The following THSD4 variants were observed in gnomAD, a reference collection of about 807,000 sequenced individuals.
The protein encoded by THSD4 is thrombospondin type-1 domain-containing protein 4.
A neutral mutation model predicts 119.0 loss-of-function variants in THSD4; 69 were observed. The observed-to-expected ratio is 0.58, with a 90% confidence interval of 0.48 to 0.71. The LOEUF is 0.71. THSD4 is among the 30% of genes least tolerant of loss of function. The pLI is 0.00. For synonymous variants in THSD4, 524 were observed against 540.4 expected, an observed-to-expected ratio of 0.97 and a Z score of 0.42; for missense variants, 1,393 against 1,391.1, an observed-to-expected ratio of 1.00 and a Z score of -0.02.
chr15:71,346,875 T>C (rs1189235312), intron 6 of THSD4, among the ~76,000 whole-genome samples: 7 of 135,100 alleles, frequency 5.2e-5, no homozygotes, highest in African/African-American at 1.1e-4. Context: ...TTTCTTTTTT[T>C]TTTTTTTTTT....
intron 7 of THSD4, among the ~76,000 whole-genome samples, chr15:71,415,036 A>G (rs1837763): frequency 0.25 from 37,770 of 152,174 alleles, 5,163 homozygotes; most frequent in East Asian, 0.55. Context: ...CCCAGAATTC[A>G]AATTGATTTC....
chr15:71,370,900 T>A (rs970073603), intron 6 of THSD4, among the ~76,000 whole-genome samples: 17 of 152,174 alleles, frequency 1.1e-4, no homozygotes, highest in African/African-American at 3.4e-4. Context: ...CCCATTATTA[T>A]TGTGTGGGAG....
chr15:71,150,997 C>G (rs1211847484), intron 2 of THSD4, among the ~76,000 whole-genome samples: 1 of 152,054 alleles, frequency 6.6e-6, no homozygotes, highest in Admixed American at 6.6e-5. Flanking sequence ...AGCTTACATT[C>G]CATTGGATAG....
At chr15:71,297,613 C>T (rs1051402738) in intron 6 of THSD4, among the ~76,000 whole-genome samples, 3 of 152,222 alleles carry the variant, frequency 2.0e-5, no homozygotes, top group East Asian at 3.9e-4. Context: ...GGATTACAGA[C>T]GTGAGCTACC....
At chr15:71,114,739 A>AT (rs766912471), upstream of THSD4, among the ~76,000 whole-genome samples, 63 of 152,072 alleles carry the variant, frequency 4.1e-4, no homozygotes, top group African/African-American at 1.4e-3. Flanking sequence ...AAGAATTATT[A>AT]TTTTTTTGCA....
intron 3 of THSD4, among the ~76,000 whole-genome samples, chr15:71,160,867 C>T (rs1317686166): frequency 6.6e-6 from 1 of 151,178 alleles, no homozygotes; most frequent in African/African-American, 2.4e-5. Flanking sequence ...TCTTGAGGTT[C>T]ATGGTTAAAT....
At chr15:71,446,326 T>A (rs892519394) in intron 7 of THSD4, among the ~76,000 whole-genome samples, 1 of 152,224 alleles carries the variant, frequency 6.6e-6, no homozygotes, top group Non-Finnish European at 1.5e-5. Flanking sequence ...TGCCCTTTCT[T>A]ATACAGAATT....
chr15:71,497,380 G>C (rs1372506577), intron 7 of THSD4, among the ~76,000 whole-genome samples: 1 of 152,074 alleles, frequency 6.6e-6, no homozygotes, highest in Non-Finnish European at 1.5e-5. Context: ...GGGTGTGATG[G>C]TGTGTGCCTG....
intron 6 of THSD4, among the ~76,000 whole-genome samples, chr15:71,339,580 A>G (rs1455994013): frequency 6.6e-6 from 1 of 152,138 alleles, no homozygotes; most frequent in African/African-American, 2.4e-5. Flanking sequence ...GGTTGCCTGC[A>G]TTAAAATCCC....
At chr15:71,540,012 C>T (rs1156494303) in intron 7 of THSD4, among the ~76,000 whole-genome samples, 1 of 152,070 alleles carries the variant, frequency 6.6e-6, no homozygotes, top group African/African-American at 2.4e-5. Flanking sequence ...TGACAGGGAG[C>T]CTGATGAGAT....
chr15:71,723,400 A>G (rs2052759990), intron 8 of THSD4, among the ~76,000 whole-genome samples: 1 of 152,234 alleles, frequency 6.6e-6, no homozygotes, highest in African/African-American at 2.4e-5. Flanking sequence ...TTGAATTATA[A>G]GTAAGGCAGA....
At chr15:71,735,026 C>G (rs1198353201) in intron 10 of THSD4, among the ~76,000 whole-genome samples, 1 of 152,098 alleles carries the variant, frequency 6.6e-6, no homozygotes, top group Non-Finnish European at 1.5e-5. Context: ...CTGACCTCAA[C>G]TTCACCCTTC....
At chr15:71,533,909 C>T (rs940309557) in intron 7 of THSD4, among the ~76,000 whole-genome samples, 1 of 152,132 alleles carries the variant, frequency 6.6e-6, no homozygotes, top group Non-Finnish European at 1.5e-5. Context: ...ACCCCAATAT[C>T]ATTAGGGGTT....
intron 7 of THSD4, among the ~76,000 whole-genome samples, chr15:71,457,238 C>T (rs766338235): frequency 5.2e-4 from 79 of 151,872 alleles, no homozygotes; most frequent in Non-Finnish European, 1.0e-3. Context: ...AAAAATTAGC[C>T]GGGCATTGGT....
chr15:71,407,343 G>A (rs1446070307), intron 6 of THSD4, among the ~76,000 whole-genome samples: 2 of 152,000 alleles, frequency 1.3e-5, no homozygotes, highest in Admixed American at 6.5e-5. Flanking sequence ...AGCTTTCTTG[G>A]GTCGGCTAAG....
At chr15:71,277,128 C>CTTCT (rs1555459953) in intron 6 of THSD4, among the ~76,000 whole-genome samples, 8 of 123,020 alleles carry the variant, frequency 6.5e-5, no homozygotes, top group Admixed American at 8.3e-5. Context: ...TCTTCTTCTT[C>CTTCT]TTTTTTTTTT....
At chr15:71,566,585 T>C (rs1365021993) in intron 7 of THSD4, among the ~76,000 whole-genome samples, 1 of 152,154 alleles carries the variant, frequency 6.6e-6, no homozygotes, top group East Asian at 1.9e-4. Flanking sequence ...GTGCTGTAGA[T>C]CCTGGTCTCT....
chr15:71,574,598 G>A (rs2049414848), intron 7 of THSD4, among the ~76,000 whole-genome samples: 2 of 152,126 alleles, frequency 1.3e-5, no homozygotes, highest in East Asian at 1.9e-4. Flanking sequence ...GCATTAGGAT[G>A]TCAAAGGGAC....
rs191172505 is a variant in THSD4, at chr15:71,393,836, C to T, written c.1016-17851C>T. Among the ~76,000 whole-genome samples, 20 of 152,290 alleles carry T rather than the reference C, an allele frequency of 1.3e-4. No homozygotes were observed. The East Asian group carries it at 2.9e-3, about 22-fold the overall frequency. On this transcript the variant is annotated intron_variant, in intron 6 of 17. Transcript: ENST00000261862. ...CCTTCCGGAGCCTCCTATTCTCATC[C>T]GTAAAGTGAGAATGTCAGACAGACT...
Sources: allele counts gnomAD v4.1 joint callset (sites outside exome capture counted in the v4.1 genomes callset), GRCh38; gene constraint gnomAD v4.1.1; transcripts MANE v1.5; gene names NCBI Gene and HGNC (gene_info 2026-07-23, HGNC 2026-07-21).